PRR16: variants seen among roughly 807,000 people sequenced by gnomAD.
PRR16 encodes the protein protein Largen.
Under a neutral mutation model 18.2 loss-of-function variants are expected in PRR16, and 6 were observed. That is an observed-to-expected ratio of 0.33 (90% CI 0.18 to 0.65). The LOEUF (loss-of-function observed/expected upper bound fraction) is 0.65. Ranked by LOEUF, PRR16 falls within the 30% of genes least tolerant of loss-of-function variation. The pLI is 0.74. For synonymous variants in PRR16, 151 were observed against 147.8 expected (o/e 1.02, Z -0.16); for missense variants, 412 against 376.6 (o/e 1.09, Z -0.78).
At chr5:120,672,228 G>A (rs917229205) in intron 1 of PRR16, among the ~76,000 whole-genome samples, 1 of 143,604 alleles carries the variant, frequency 7.0e-6, no homozygotes, top group Non-Finnish European at 1.5e-5. Flanking sequence ...TTGAAGGGCA[G>A]GTGAGGGGTC....
At chr5:120,540,878 G>T (rs1264493104) in intron 1 of PRR16, among the ~76,000 whole-genome samples, 1 of 152,068 alleles carries the variant, frequency 6.6e-6, no homozygotes, top group Non-Finnish European at 1.5e-5. Flanking sequence ...TATCACAACT[G>T]TAATTAAATT....
At chr5:120,611,802 C>T (rs779456172) in intron 1 of PRR16, among the ~76,000 whole-genome samples, 1 of 152,186 alleles carries the variant, frequency 6.6e-6, no homozygotes, top group Non-Finnish European at 1.5e-5. Flanking sequence ...AGAGTCCCTA[C>T]TGGGGCAATG....
chr5:120,637,541 G>A (rs1033911589), intron 1 of PRR16, among the ~76,000 whole-genome samples: 1 of 152,034 alleles, frequency 6.6e-6, no homozygotes, highest in South Asian at 2.1e-4. Flanking sequence ...TCTAAGTGAA[G>A]TAACTCAGGA....
At position 120,634,249 on chromosome 5, in the gene PRR16, TATC is replaced by T. The variant is rs1403316460; in HGVS notation, c.160-51703_160-51701del. Among the ~76,000 whole-genome samples the T allele has an allele frequency of 9.2e-5, 14 of 152,312 alleles. No homozygotes were observed. In the Middle Eastern group the frequency reaches 0.01, roughly 111 times the overall value. On this transcript the variant is annotated intron_variant, in intron 1 of 1. Transcript: ENST00000407149. ...ACTGAACGATAATAGTGACACAACC[TATC>T]ACTACTTCAAACTGAATGATAGTAG... is the stretch of plus-strand genomic sequence containing the variant.
chr5:120,559,967 AT>A (rs1752526205), intron 1 of PRR16, among the ~76,000 whole-genome samples: 1 of 151,936 alleles, frequency 6.6e-6, no homozygotes, highest in South Asian at 2.1e-4. Flanking sequence ...AGAAATGCTG[AT>A]TTTTGTATGT....
intron 1 of PRR16, among the ~76,000 whole-genome samples, chr5:120,548,762 A>G (rs1433392973): frequency 2.0e-5 from 3 of 151,968 alleles, no homozygotes; most frequent in Non-Finnish European, 2.9e-5. Context: ...CTGACTTGCT[A>G]TTGGCCAAGA....
chr5:120,547,464 G>A (rs141143237), intron 1 of PRR16, among the ~76,000 whole-genome samples: 2 of 152,142 alleles, frequency 1.3e-5, no homozygotes, highest in East Asian at 3.9e-4. Context: ...TACTTAAGAA[G>A]GTTGGCTGAG....
At chr5:120,473,800 T>A (rs183997271) in intron 1 of PRR16, among the ~76,000 whole-genome samples, 1 of 152,216 alleles carries the variant, frequency 6.6e-6, no homozygotes, top group East Asian at 1.9e-4. Context: ...AAACACTAGT[T>A]TACATCAAAT....
chr5:120,518,812 C>T (rs964824306), intron 1 of PRR16, among the ~76,000 whole-genome samples: 1 of 152,104 alleles, frequency 6.6e-6, no homozygotes, highest in African/African-American at 2.4e-5. Context: ...GTGACTTCCC[C>T]TTGCCTCTTT....
chr5:120,719,444 A>T, the PRR16 span, among the ~76,000 whole-genome samples: 2 of 152,100 alleles, frequency 1.3e-5, no homozygotes, highest in Non-Finnish European at 2.9e-5. Flanking sequence ...ATTGTCAATT[A>T]TACTGTCACA....
At chr5:120,490,339 C>A (rs904412470) in intron 1 of PRR16, among the ~76,000 whole-genome samples, 1 of 152,122 alleles carries the variant, frequency 6.6e-6, no homozygotes, top group Non-Finnish European at 1.5e-5. Context: ...TTCTTGGAGG[C>A]TTTGTTCGTT....
the PRR16 span, among the ~76,000 whole-genome samples, chr5:120,715,711 G>A: frequency 1.3e-5 from 2 of 152,074 alleles, no homozygotes; most frequent in Non-Finnish European, 2.9e-5. Flanking sequence ...AATTAAACTG[G>A]TATTTTTCTT....
chr5:120,741,113 ATATTT>A, the PRR16 span, among the ~76,000 whole-genome samples: 3 of 152,018 alleles, frequency 2.0e-5, no homozygotes, highest in Non-Finnish European at 4.4e-5. Context: ...CATAAATGGC[ATATTT>A]TAAATTAAAA....
At chr5:120,699,165 T>A in the PRR16 span, among the ~76,000 whole-genome samples, 32 of 152,038 alleles carry the variant, frequency 2.1e-4, no homozygotes, top group South Asian at 1.0e-3. Flanking sequence ...GGGCCTGAAT[T>A]ATCCCTGAGG....
At chr5:120,612,866 A>T (rs1478590223) in intron 1 of PRR16, among the ~76,000 whole-genome samples, 1 of 152,190 alleles carries the variant, frequency 6.6e-6, no homozygotes, top group Admixed American at 6.5e-5. Flanking sequence ...TAAAATTCTT[A>T]ATTTGAGTAT....
the PRR16 span, among the ~76,000 whole-genome samples, chr5:120,793,672 AAAC>A: frequency 6.6e-6 from 1 of 152,222 alleles, no homozygotes; most frequent in African/African-American, 2.4e-5. Flanking sequence ...ACGAAGAGTA[AAAC>A]AATAAGAAGG....
At chr5:120,492,947 A>G (rs1177343942) in intron 1 of PRR16, among the ~76,000 whole-genome samples, 3 of 152,098 alleles carry the variant, frequency 2.0e-5, no homozygotes, top group Non-Finnish European at 2.9e-5. Context: ...CATTTTCTTA[A>G]TCCACTTGTT....
chr5:120,608,419 T>C (rs1754226939), intron 1 of PRR16, among the ~76,000 whole-genome samples: 1 of 152,150 alleles, frequency 6.6e-6, no homozygotes. Flanking sequence ...TTAATTTGAT[T>C]ACATTAGTTT....
At chr5:120,783,244 T>C in the PRR16 span, among the ~76,000 whole-genome samples, 3 of 152,234 alleles carry the variant, frequency 2.0e-5, no homozygotes, top group Admixed American at 6.5e-5. Context: ...TCAGTATTCA[T>C]AGTTTGCGAA....
Sources: gnomAD v4.1 joint callset for allele counts (sites outside exome capture counted in the v4.1 genomes callset) on GRCh38, gnomAD v4.1.1 for gene constraint, MANE v1.5 for transcripts, NCBI Gene and HGNC (gene_info 2026-07-23, HGNC 2026-07-21) for gene names.